The following HCN1 variants were observed in gnomAD, a reference collection of about 807,000 sequenced individuals.
HCN1 encodes potassium/sodium hyperpolarization-activated cyclic nucleotide-gated channel 1.
Under a neutral mutation model 78.9 loss-of-function variants are expected in HCN1, and 13 were observed. The ratio of observed to expected loss-of-function variants is 0.16; its 90% CI spans 0.11 to 0.26. The LOEUF (loss-of-function observed/expected upper bound fraction) is 0.26. Among genes scored for constraint, HCN1 ranks in the 10% least tolerant of loss-of-function variants. The pLI, the probability that HCN1 is intolerant of heterozygous loss-of-function variation, is 1.00. For missense variants in HCN1, 810 were observed against 1,154.3 expected, an observed-to-expected ratio of 0.70 and a Z score of 4.32; for synonymous variants, 552 against 455.5, an observed-to-expected ratio of 1.21 and a Z score of -2.70.
In HCN1 at chr5:45,260,504, C is replaced by T. The variant is rs1579761157; in HGVS notation, c.*1417G>A. ...TTTCAACACATTAAAAATGACAAACCTCCTATCTAAGGGCTACGTTAGTCA... is the reference window on the plus strand; with the variant it reads ...TTTCAACACATTAAAAATGACAAACTTCCTATCTAAGGGCTACGTTAGTCA... On this transcript the variant is annotated 3_prime_UTR_variant, in exon 8 of 8. Transcript: ENST00000303230. 1.3e-5 allele frequency: 2 copies of T among 152,224 alleles called. No homozygotes were observed. The highest frequency in any genetic ancestry group is 4.8e-5 in the African/African-American group (2 of 41,428). 9.4% of individuals were successfully genotyped at this position (152,224 alleles called of 1,614,324 possible).
chr5:45,519,423 T>C (rs773914472), intron 2 of HCN1, among the ~76,000 whole-genome samples: 5 of 152,036 alleles, frequency 3.3e-5, no homozygotes, highest in Non-Finnish European at 5.9e-5. Flanking sequence ...TTTTAGTAGA[T>C]AAGTCCGAAA....
At chr5:45,540,379 G>A (rs961547561) in intron 2 of HCN1, among the ~76,000 whole-genome samples, 2 of 150,556 alleles carry the variant, frequency 1.3e-5, no homozygotes, top group African/African-American at 4.9e-5. Context: ...CCAGACTGGA[G>A]TGCAGTGGCA....
In HCN1 at chr5:45,513,238, A is replaced by G. The variant is rs1293594650; in HGVS notation, c.850-51231T>C. 2.0e-5 allele frequency among the ~76,000 whole-genome samples: 3 copies of G among 152,182 alleles called. No individual in the cohort carries two copies. The East Asian group carries it at 5.8e-4, about 29-fold the overall frequency. On this transcript the variant is annotated intron_variant, in intron 2 of 7. Coordinates refer to ENST00000303230, the MANE Select transcript of HCN1 (RefSeq NM_021072.4). Reference sequence around the variant, plus strand: ...CAAATATATTACCTACGTCTGTTTTAGAAAAGGGAATTATTTATGATAAAA... The same window carrying G: ...CAAATATATTACCTACGTCTGTTTTGGAAAAGGGAATTATTTATGATAAAA...
chr5:45,298,418 C>T (rs1220217728), intron 6 of HCN1, among the ~76,000 whole-genome samples: 1 of 151,808 alleles, frequency 6.6e-6, no homozygotes, highest in Non-Finnish European at 1.5e-5. Flanking sequence ...TAATTTTAGA[C>T]TGATAGGAAC....
chr5:45,275,553 T>C (rs1322629807), intron 6 of HCN1, among the ~76,000 whole-genome samples: 4 of 152,204 alleles, frequency 2.6e-5, no homozygotes, highest in African/African-American at 4.8e-5. Context: ...TTTATCTGTG[T>C]CTTTCATTTC....
At chr5:45,608,077 G>A (rs1744758628) in intron 2 of HCN1, among the ~76,000 whole-genome samples, 1 of 151,688 alleles carries the variant, frequency 6.6e-6, no homozygotes. Flanking sequence ...CTACATACAA[G>A]CAACAAATAT....
chr5:45,350,706 T>C (rs908111397), intron 5 of HCN1, among the ~76,000 whole-genome samples: 7 of 150,646 alleles, frequency 4.6e-5, no homozygotes, highest in African/African-American at 1.5e-4. Flanking sequence ...TGTACAAAAA[T>C]CACAAGCATT....
At chr5:45,657,094 T>C (rs573688604) in intron 1 of HCN1, among the ~76,000 whole-genome samples, 8 of 152,090 alleles carry the variant, frequency 5.3e-5, no homozygotes, top group Admixed American at 3.3e-4. Context: ...CTGTAACAAA[T>C]ATCGAGGGTG....
At chr5:45,648,585 T>C (rs549395445) in intron 1 of HCN1, among the ~76,000 whole-genome samples, 30 of 152,200 alleles carry the variant, frequency 2.0e-4, no homozygotes, top group African/African-American at 7.2e-4. Flanking sequence ...AAGTGCAATA[T>C]ACCTTCTTTA....
intron 2 of HCN1, among the ~76,000 whole-genome samples, chr5:45,588,253 GACTAC>G (rs1744280145): frequency 6.6e-6 from 1 of 152,218 alleles, no homozygotes; most frequent in African/African-American, 2.4e-5. Flanking sequence ...ATTCCGGCAA[GACTAC>G]ACTAGAAGAC....
At chr5:45,564,857 C>G (rs979448910) in intron 2 of HCN1, among the ~76,000 whole-genome samples, 1 of 152,002 alleles carries the variant, frequency 6.6e-6, no homozygotes, top group Non-Finnish European at 1.5e-5. Context: ...GAAATGACAG[C>G]AGAAAAAAAG....
rs1742288528 is a variant in HCN1 at position 45,505,978 on chromosome 5, T to C, written c.850-43971A>G. Among the ~76,000 whole-genome samples the C allele has an allele frequency of 2.0e-5, 3 of 152,266 alleles. No homozygotes were observed. The South Asian group carries it at 6.2e-4, about 32-fold the overall frequency. On this transcript the variant is annotated intron_variant, in intron 2 of 7. Transcript: ENST00000303230. Reference sequence around the variant, plus strand: ...ATCATTATATCTTGGTAAGTTCAAATGTAAATAATTCAAAGTGCAATCTTG... The same window carrying C: ...ATCATTATATCTTGGTAAGTTCAAACGTAAATAATTCAAAGTGCAATCTTG...
intron 2 of HCN1, among the ~76,000 whole-genome samples, chr5:45,483,633 C>T (rs1438160829): frequency 6.6e-6 from 1 of 152,072 alleles, no homozygotes; most frequent in Non-Finnish European, 1.5e-5. Context: ...AATTAGGTCC[C>T]ACTTGTTTAT....
chr5:45,333,987 T>C (rs188942258), intron 5 of HCN1, among the ~76,000 whole-genome samples: 45 of 151,972 alleles, frequency 3.0e-4, no homozygotes, highest in Admixed American at 1.1e-3. Context: ...TTCTTAGTAA[T>C]AATCAGGGCT....
Position 45,430,572 on chromosome 5 carries a change from C to G in HCN1, c.1011+31274G>C, listed in dbSNP as rs548091062. Among the ~76,000 whole-genome samples, 5 of 152,190 alleles carry G rather than the reference C, an allele frequency of 3.3e-5. No individual in the cohort carries two copies. In the East Asian group the frequency reaches 9.7e-4, roughly 29 times the overall value. Reference sequence around the variant, plus strand: ...TTCTTTCTCTTCCTACATTAGTTAACTTAGGATAATGCCTTGGGCTCCATG... The same window carrying G: ...TTCTTTCTCTTCCTACATTAGTTAAGTTAGGATAATGCCTTGGGCTCCATG... On this transcript the variant is annotated intron_variant, in intron 3 of 7. Coordinates refer to ENST00000303230, the MANE Select transcript of HCN1 (RefSeq NM_021072.4).
At chr5:45,338,611 C>T (rs765588163) in intron 5 of HCN1, among the ~76,000 whole-genome samples, 3 of 141,840 alleles carry the variant, frequency 2.1e-5, no homozygotes, top group Non-Finnish European at 4.5e-5. Context: ...ACTTTCTAGA[C>T]ACTAAGAACA....
At chr5:45,660,461 T>C (rs1745906693) in intron 1 of HCN1, among the ~76,000 whole-genome samples, 1 of 141,426 alleles carries the variant, frequency 7.1e-6, no homozygotes, top group African/African-American at 2.7e-5. Context: ...CAATATTAAC[T>C]TTAAATATAA....
intron 6 of HCN1, among the ~76,000 whole-genome samples, chr5:45,286,050 G>A (rs1745263785): frequency 6.6e-6 from 1 of 151,782 alleles, no homozygotes; most frequent in Non-Finnish European, 1.5e-5. Context: ...AAGATTCTCA[G>A]AAACTGGAAA....
chr5:45,343,466 G>A (rs888215784), intron 5 of HCN1, among the ~76,000 whole-genome samples: 13 of 152,160 alleles, frequency 8.5e-5, no homozygotes, highest in African/African-American at 3.1e-4. Flanking sequence ...GGAAGCAAAG[G>A]CATGAATGTA....
Sources: gnomAD v4.1 joint callset for allele counts (sites outside exome capture counted in the v4.1 genomes callset) on GRCh38, gnomAD v4.1.1 for gene constraint, MANE v1.5 for transcripts, NCBI Gene and HGNC (gene_info 2026-07-23, HGNC 2026-07-21) for gene names.